PIK3C2G: variants seen among roughly 807,000 people sequenced by gnomAD.
PIK3C2G encodes the protein phosphatidylinositol 3-kinase C2 domain-containing subunit gamma.
Under a neutral mutation model 181.1 loss-of-function variants are expected in PIK3C2G, and 168 were observed. That is an observed-to-expected ratio of 0.93 (90% CI 0.82 to 1.05). The LOEUF is 1.05. PIK3C2G is among the 50% of genes least tolerant of loss of function. The probability of loss-of-function intolerance (pLI) is 0.00; values close to 1 mark genes in which losing one functional copy is unlikely to be tolerated. For synonymous variants in PIK3C2G, 573 were observed against 592.2 expected (o/e 0.97, Z 0.47); for missense variants, 1,869 against 1,732.8 (o/e 1.08, Z -1.40).
chr12:18,368,793 T>G (rs185508289), intron 12 of PIK3C2G, among the ~76,000 whole-genome samples: 1 of 152,180 alleles, frequency 6.6e-6, no homozygotes, highest in East Asian at 1.9e-4. Context: ...GAGAGACAGA[T>G]GTACTTCCTC....
intron 6 of PIK3C2G, among the ~76,000 whole-genome samples, chr12:18,319,814 CTG>C (rs1222655213): frequency 2.6e-5 from 4 of 152,032 alleles, no homozygotes; most frequent in African/African-American, 9.7e-5. Context: ...TTAGCTTTCT[CTG>C]TCGCAGAAAA....
At chr12:18,688,290 G>C in the PIK3C2G span, 1 of 1,482,218 alleles carries the variant, frequency 6.7e-7, no homozygotes, top group Admixed American at 1.9e-5. Context: ...TCAAAATTAA[G>C]TTATGTATTA....
chr12:18,310,855 A>G (rs1229545531), intron 5 of PIK3C2G, among the ~76,000 whole-genome samples: 5 of 151,966 alleles, frequency 3.3e-5, no homozygotes, highest in African/African-American at 7.2e-5. Context: ...TCTCTGATTA[A>G]AAGTCAAAGA....
chr12:18,680,832 G>A, the PIK3C2G span, among the ~76,000 whole-genome samples: 1 of 152,026 alleles, frequency 6.6e-6, no homozygotes, highest in Admixed American at 6.6e-5. Context: ...TTTCAAAAAA[G>A]TAGAGTTCTC....
the PIK3C2G span, among the ~76,000 whole-genome samples, chr12:18,669,671 T>G: frequency 6.6e-6 from 1 of 151,944 alleles, no homozygotes; most frequent in Non-Finnish European, 1.5e-5. Context: ...CTCTCTTTTT[T>G]TTTTGAGACA....
intron 18 of PIK3C2G, among the ~76,000 whole-genome samples, chr12:18,429,915 C>A (rs1025706361): frequency 6.6e-6 from 1 of 152,144 alleles, no homozygotes; most frequent in Non-Finnish European, 1.5e-5. Context: ...GATTCCACAG[C>A]CCCCTGGCCT....
At chr12:18,331,782 T>C (rs1181843334) in intron 8 of PIK3C2G, among the ~76,000 whole-genome samples, 1 of 152,100 alleles carries the variant, frequency 6.6e-6, no homozygotes, top group African/African-American at 2.4e-5. Context: ...TGTAAAGTTA[T>C]TTAGAGGTTA....
At chr12:18,518,725 T>C (rs1456854687) in intron 24 of PIK3C2G, among the ~76,000 whole-genome samples, 2 of 152,196 alleles carry the variant, frequency 1.3e-5, no homozygotes, top group Non-Finnish European at 2.9e-5. Context: ...TGTATCTCTA[T>C]CACCTTCAAT....
chr12:18,690,258 T>C, the PIK3C2G span, among the ~76,000 whole-genome samples: 1 of 152,134 alleles, frequency 6.6e-6, no homozygotes, highest in Non-Finnish European at 1.5e-5. Flanking sequence ...ACTTTGGCTC[T>C]TGCTACCCAA....
chr12:18,549,291 C>T lies in PIK3C2G; in HGVS notation c.3590+2859C>T, dbSNP rs555833032. The stretch of plus-strand genomic sequence containing the variant: ...CCCAAGTAAAGCAGGGAATGTATTC[C>T]CAATTCTAAGAATATCTGAATATGA... On this transcript the variant is annotated intron_variant, in intron 26 of 32. Transcript: ENST00000538779. 6.6e-5 allele frequency among the ~76,000 whole-genome samples: 10 copies of T among 152,008 alleles called. No individual in the cohort carries two copies. In the South Asian group the frequency reaches 1.0e-3, roughly 16 times the overall value.
intron 16 of PIK3C2G, among the ~76,000 whole-genome samples, chr12:18,400,755 A>G (rs1376705664): frequency 6.6e-6 from 1 of 152,030 alleles, no homozygotes; most frequent in Non-Finnish European, 1.5e-5. Flanking sequence ...CTTCTCAGTC[A>G]CCCAAGCTCG....
the PIK3C2G span, among the ~76,000 whole-genome samples, chr12:18,658,762 G>A: frequency 6.6e-6 from 1 of 152,074 alleles, no homozygotes; most frequent in Non-Finnish European, 1.5e-5. Context: ...CTATTTCACA[G>A]AGAGTAAAAA....
chr12:18,597,735 A>G (rs980304737), intron 30 of PIK3C2G, among the ~76,000 whole-genome samples: 3 of 151,914 alleles, frequency 2.0e-5, no homozygotes, highest in Non-Finnish European at 4.4e-5. Flanking sequence ...ACATGATTGT[A>G]TATCTAGAAA....
intron 2 of PIK3C2G, among the ~76,000 whole-genome samples, chr12:18,284,258 G>C (rs1395283954): frequency 6.6e-6 from 1 of 152,082 alleles, no homozygotes; most frequent in Non-Finnish European, 1.5e-5. Context: ...GAGCGCTTCA[G>C]GCATTCAAAT....
At chr12:18,624,525 A>G (rs1296426207) in intron 31 of PIK3C2G, among the ~76,000 whole-genome samples, 1 of 151,378 alleles carries the variant, frequency 6.6e-6, no homozygotes, top group Non-Finnish European at 1.5e-5. Context: ...TTCTCTCCCT[A>G]TATTGTAAGG....
At chr12:18,693,181 T>C in the PIK3C2G span, 10 of 1,552,320 alleles carry the variant, frequency 6.4e-6, no homozygotes, top group African/African-American at 1.2e-4. Context: ...TACATCAGCA[T>C]TCTTTCATTT....
chr12:18,246,669 T>C (rs576866263), upstream of PIK3C2G, among the ~76,000 whole-genome samples: 10 of 152,248 alleles, frequency 6.6e-5, no homozygotes, highest in Non-Finnish European at 1.2e-4. Flanking sequence ...TGATAAAGCA[T>C]GTGAACTGAA....
chr12:18,467,258 T>C (rs913756266), intron 18 of PIK3C2G, among the ~76,000 whole-genome samples: 5 of 152,034 alleles, frequency 3.3e-5, no homozygotes, highest in African/African-American at 4.8e-5. Flanking sequence ...CTTCAGAGAA[T>C]TGATTCTACT....
At chr12:18,331,921 C>A (rs1938015331) in intron 8 of PIK3C2G, among the ~76,000 whole-genome samples, 1 of 152,010 alleles carries the variant, frequency 6.6e-6, no homozygotes, top group Non-Finnish European at 1.5e-5. Context: ...TGTACAAATG[C>A]ACGTATGGTT....
Sources: allele counts gnomAD v4.1 joint callset (sites outside exome capture counted in the v4.1 genomes callset), GRCh38; gene constraint gnomAD v4.1.1; transcripts MANE v1.5; gene names NCBI Gene and HGNC (gene_info 2026-07-23, HGNC 2026-07-21).